Variants in SVIL observed in about 807,000 individuals in gnomAD.
SVIL encodes supervillin.
Under a neutral mutation model 240.4 loss-of-function variants are expected in SVIL, and 101 were observed. That is an observed-to-expected ratio of 0.42 (90% CI 0.36 to 0.50). The LOEUF (loss-of-function observed/expected upper bound fraction) is 0.50, where lower values mean the gene tolerates loss of function less well. Ranked by LOEUF, SVIL falls within the 20% of genes least tolerant of loss-of-function variation. The pLI is 0.01. For synonymous variants in SVIL, 999 were observed against 1,100.0 expected, an observed-to-expected ratio of 0.91 and a Z score of 1.82; for missense variants, 2,512 against 2,818.7, an observed-to-expected ratio of 0.89 and a Z score of 2.46.
chr10:29,541,859 C>T (rs764212995), intron 6 of SVIL, among the ~76,000 whole-genome samples: 1 of 152,174 alleles, frequency 6.6e-6, no homozygotes, highest in Non-Finnish European at 1.5e-5. Context: ...GCTCACTTAT[C>T]ACGATTCCCA....
chr10:29,540,149 C>G (rs137951654), intron 6 of SVIL, among the ~76,000 whole-genome samples: 1 of 152,300 alleles, frequency 6.6e-6, no homozygotes, highest in East Asian at 1.9e-4. Context: ...GCAGATGAGT[C>G]ATTCCTCTTG....
intron 3 of SVIL, among the ~76,000 whole-genome samples, chr10:29,642,655 T>C (rs1305363589): frequency 6.6e-6 from 1 of 152,040 alleles, no homozygotes; most frequent in Non-Finnish European, 1.5e-5. Flanking sequence ...GGACTGAAAA[T>C]ATCAAAATAG....
chr10:29,684,007 T>G (rs928249545), intron 2 of SVIL, among the ~76,000 whole-genome samples: 16 of 152,094 alleles, frequency 1.1e-4, no homozygotes, highest in Admixed American at 2.0e-4. Flanking sequence ...GAGTTGAACA[T>G]CTTTGCGTAA....
At chr10:29,506,697 G>GT (rs1564535107) in intron 17 of SVIL, among the ~76,000 whole-genome samples, 9 of 141,938 alleles carry the variant, frequency 6.3e-5, no homozygotes, top group Middle Eastern at 3.4e-3. Context: ...GGGGACAGAG[G>GT]CCCTACGAGG....
chr10:29,600,105 G>C (rs1956756024), intron 1 of SVIL, among the ~76,000 whole-genome samples: 2 of 151,864 alleles, frequency 1.3e-5, no homozygotes, highest in Admixed American at 1.3e-4. Context: ...CAATGGTGCA[G>C]TCATGACTCA....
chr10:29,459,526 A>G (rs1333354139), intron 36 of SVIL, among the ~76,000 whole-genome samples: 2 of 151,598 alleles, frequency 1.3e-5, no homozygotes, highest in Admixed American at 6.6e-5. Flanking sequence ...AAGAAATCAC[A>G]CCCCCCTTCC....
chr10:29,475,424 G>A (rs1946089029), intron 29 of SVIL: 1 of 152,186 alleles, frequency 6.6e-6, no homozygotes, highest in African/African-American at 2.4e-5. Context: ...CAATGAGCGG[G>A]GACTTCAGGA....
chr10:29,663,515 C>T (rs949618106), intron 2 of SVIL, among the ~76,000 whole-genome samples: 1 of 152,142 alleles, frequency 6.6e-6, no homozygotes, highest in Non-Finnish European at 1.5e-5. Flanking sequence ...CACCACAATG[C>T]CCAGCTAATT....
At chr10:29,734,340 C>T (rs998838362) in intron 1 of SVIL, among the ~76,000 whole-genome samples, 2 of 152,154 alleles carry the variant, frequency 1.3e-5, no homozygotes. Context: ...AAACCTGAAC[C>T]CCGGGGTACA....
Position 29,465,673 on chromosome 10 carries a change from C to G in SVIL, c.6055G>C (p.Val2019Leu). ...SSGDFAATEF[V>L]YPARAPSVVS... ...ACAGAGGGGGCTCGGGCAGGGTACA[C>G]AAACTCTGTGGCTGCAAAATCCCCA... The change falls in exon 34 of 38, where the codon GTG becomes CTG. Residue 2019 changes from valine (V) to leucine (L), a missense_variant. This residue lies in a region of SVIL where 797 missense variants were observed against 925.3 expected (regional missense o/e 0.86). Transcript: ENST00000355867. 1 of 1,613,656 alleles carries G rather than the reference C, an allele frequency of 6.2e-7. No individual in the cohort carries two copies. Among genetic ancestry groups the G allele is most frequent in the Non-Finnish European group, 8.5e-7 (1 of 1,179,978 alleles).
At position 29,494,354 on chromosome 10, in the gene SVIL, T is replaced by C. The variant is rs530103988; in HGVS notation, c.3841+560A>G. Among the ~76,000 whole-genome samples, 12 of 152,362 alleles carry C rather than the reference T, an allele frequency of 7.9e-5. No individual in the cohort carries two copies. The South Asian group carries it at 2.5e-3, about 32-fold the overall frequency. On this transcript the variant is annotated intron_variant, in intron 20 of 37. Transcript: ENST00000355867. ...ATATTTCTGTTCAGTGGTGGTTGTA[T>C]TATTTTCAACCTTTTAGTGGTCACT...
chr10:29,599,454 C>T (rs1293432655), intron 1 of SVIL, among the ~76,000 whole-genome samples: 4 of 151,196 alleles, frequency 2.6e-5, no homozygotes, highest in South Asian at 2.1e-4. Context: ...CTCGCTCTCT[C>T]GCCCAGGCTG....
At chr10:29,466,720 T>C (rs187491485) in intron 33 of SVIL, among the ~76,000 whole-genome samples, 4 of 152,232 alleles carry the variant, frequency 2.6e-5, no homozygotes, top group Admixed American at 1.3e-4. Flanking sequence ...AAATTATTCA[T>C]TATAAAGGAA....
intron 2 of SVIL, among the ~76,000 whole-genome samples, chr10:29,674,532 T>C (rs1960051691): frequency 6.6e-6 from 1 of 152,210 alleles, no homozygotes; most frequent in Admixed American, 6.5e-5. Flanking sequence ...TTCTTGGAGT[T>C]ACTTATATTC....
intron 2 of SVIL, among the ~76,000 whole-genome samples, chr10:29,568,634 A>G (rs1272692395): frequency 6.6e-6 from 1 of 152,208 alleles, no homozygotes; most frequent in Non-Finnish European, 1.5e-5. Flanking sequence ...CTTCTCTTAC[A>G]TCCATGATGA....
intron 29 of SVIL, among the ~76,000 whole-genome samples, chr10:29,478,022 CTA>C (rs1279578425): frequency 6.6e-6 from 1 of 152,148 alleles, no homozygotes; most frequent in African/African-American, 2.4e-5. Context: ...CTAAATTAAA[CTA>C]TGTCTGGTTT....
At chr10:29,701,699 T>C (rs1161920986) in intron 1 of SVIL, among the ~76,000 whole-genome samples, 2 of 152,236 alleles carry the variant, frequency 1.3e-5, no homozygotes, top group African/African-American at 2.4e-5. Flanking sequence ...ATAAAATAGT[T>C]ACTTATGTTT....
intron 1 of SVIL, among the ~76,000 whole-genome samples, chr10:29,624,179 A>AAAAC (rs1957775851): frequency 6.6e-6 from 1 of 151,578 alleles, no homozygotes; most frequent in African/African-American, 2.4e-5. Flanking sequence ...AAAAAAAAAA[A>AAAAC]AAACCCCTAG....
At chr10:29,687,788 C>A (rs531413149) in intron 1 of SVIL, among the ~76,000 whole-genome samples, 3 of 152,336 alleles carry the variant, frequency 2.0e-5, no homozygotes, top group African/African-American at 7.2e-5. Context: ...CTGAAAACTT[C>A]TTTGGAATAA....
Sources: allele counts gnomAD v4.1 joint callset (sites outside exome capture counted in the v4.1 genomes callset), GRCh38; gene constraint gnomAD v4.1.1; regional missense constraint gnomAD v4.1.1; transcripts MANE v1.5; gene names NCBI Gene and HGNC (gene_info 2026-07-23, HGNC 2026-07-21).